CCDC150: variants seen among roughly 807,000 people sequenced by gnomAD.
CCDC150 encodes the protein coiled-coil domain-containing protein 150.
In CCDC150, 151 loss-of-function variants were observed where a neutral mutation model predicts 156.5. That is an observed-to-expected ratio of 0.97 (90% CI 0.85 to 1.10). CCDC150 has a LOEUF of 1.10. Ranked by LOEUF, CCDC150 falls within the 50% of genes least tolerant of loss-of-function variation. CCDC150 has a pLI of 0.00. For missense variants in CCDC150, 1,312 were observed against 1,268.1 expected (o/e 1.03, Z -0.53); for synonymous variants, 452 against 429.4 (o/e 1.05, Z -0.65).
intron 14 of CCDC150, among the ~76,000 whole-genome samples, chr2:196,695,558 T>C (rs1345114259): frequency 1.3e-5 from 2 of 152,080 alleles, no homozygotes; most frequent in Non-Finnish European, 2.9e-5. Flanking sequence ...AAATACCTTC[T>C]CCAGGTGGGG....
At position 196,666,823 on chromosome 2, in the gene CCDC150, T is replaced by C. The variant is rs1320694862; in HGVS notation, c.867T>C (p.Ala289=). The part of the protein sequence containing the change: ...EQKKKEELEI[A]TSQLKSDLTS... Reference sequence around the variant, plus strand: ...AAAAAAAAGAAGAGTTGGAGATTGCTACTTCACAGCTCAAATCTGATCTAA... The same window carrying C: ...AAAAAAAAGAAGAGTTGGAGATTGCCACTTCACAGCTCAAATCTGATCTAA... Residue 289 remains alanine, a synonymous_variant, in exon 7 of 28, where the codon GCT becomes GCC. Coordinates refer to ENST00000389175, the MANE Select transcript of CCDC150 (RefSeq NM_001080539.2). 1.9e-6 allele frequency: 3 copies of C among 1,613,550 alleles called. No homozygotes were observed. Among genetic ancestry groups the C allele is most frequent in the Non-Finnish European group, 2.5e-6 (3 of 1,179,606 alleles).
rs1258238906 is a variant in CCDC150 at position 196,658,778 on chromosome 2, CCTT to C, written c.577-11_577-9del. On this transcript the variant is annotated splice_polypyrimidine_tract_variant and intron_variant, in intron 4 of 27. Coordinates refer to ENST00000389175, the MANE Select transcript of CCDC150 (RefSeq NM_001080539.2). ...TTTCAGATTATTTAGAATCTTTTCT[CCTT>C]CTACTTTTAGAAGAATGCAGCCATT... 1.1e-5 allele frequency: 18 copies of C among 1,571,738 alleles called. No homozygotes were observed. The highest frequency in any genetic ancestry group is 4.5e-5 in the East Asian group (2 of 44,322).
At chr2:196,719,756 C>T in intron 19 of CCDC150, 90 bp downstream of exon 19, 1 of 874,426 alleles carries the variant, frequency 1.1e-6, no homozygotes, top group Non-Finnish European at 1.6e-6. Context: ...CTTTATGTAG[C>T]TTCCTTTACA....
At chr2:196,647,122 C>A (rs1011015425) in intron 2 of CCDC150, among the ~76,000 whole-genome samples, 3 of 151,892 alleles carry the variant, frequency 2.0e-5, no homozygotes, top group African/African-American at 7.3e-5. Flanking sequence ...GGAAAGATAT[C>A]AAAATTAGTA....
At chr2:196,648,906 A>G (rs1001047031) in intron 2 of CCDC150, among the ~76,000 whole-genome samples, 12 of 152,228 alleles carry the variant, frequency 7.9e-5, no homozygotes, top group Non-Finnish European at 1.5e-4. Flanking sequence ...TCCTTTCCCC[A>G]TTGTGTATTC....
chr2:196,711,596 C>CT (rs1450136391), intron 15 of CCDC150, among the ~76,000 whole-genome samples: 1 of 152,140 alleles, frequency 6.6e-6, no homozygotes, highest in Non-Finnish European at 1.5e-5. Context: ...TGAAGAGAGA[C>CT]TTGTGAGTAT....
At chr2:196,693,204 TTATA>T (rs1317449025) in intron 13 of CCDC150, among the ~76,000 whole-genome samples, 1 of 152,164 alleles carries the variant, frequency 6.6e-6, no homozygotes, top group Non-Finnish European at 1.5e-5. Flanking sequence ...CATGTCTAGG[TTATA>T]TAGTGTAGCT....
intron 13 of CCDC150, among the ~76,000 whole-genome samples, chr2:196,686,724 C>G (rs1289118005): frequency 2.6e-5 from 4 of 151,884 alleles, no homozygotes; most frequent in Middle Eastern, 3.2e-3. Flanking sequence ...ATTATTTCAT[C>G]ACCCAGATAT....
intron 7 of CCDC150, chr2:196,667,950 A>G (rs1043211695): frequency 1.3e-5 from 2 of 152,182 alleles, no homozygotes; most frequent in African/African-American, 4.8e-5. Flanking sequence ...ACATTGTCTC[A>G]TTTGAGCACT....
intron 17 of CCDC150, among the ~76,000 whole-genome samples, chr2:196,714,571 C>G (rs1377818052): frequency 6.6e-6 from 1 of 152,112 alleles, no homozygotes; most frequent in African/African-American, 2.4e-5. Flanking sequence ...ACTTAGCTTC[C>G]CGGTCGCAAG....
At chr2:196,728,069 T>A (rs954147402) in intron 22 of CCDC150, 2 of 140,968 alleles carry the variant, frequency 1.4e-5, no homozygotes, top group Admixed American at 1.4e-4. Flanking sequence ...TGAAGAAGGA[T>A]CAGTGACAGT....
intron 22 of CCDC150, 87 bp downstream of exon 22, chr2:196,726,186 T>C: frequency 6.9e-7 from 1 of 1,452,934 alleles, no homozygotes. Flanking sequence ...ACAGTTGTTC[T>C]TTGACTCCTC....
At chr2:196,661,864 G>A (rs115028622) in intron 5 of CCDC150, among the ~76,000 whole-genome samples, 3,982 of 152,200 alleles carry the variant, frequency 0.026, 181 homozygotes, top group African/African-American at 0.09. Flanking sequence ...AAAAGTGGCC[G>A]TTCTTTAAAA....
At chr2:196,702,586 G>A (rs1696299391) in intron 15 of CCDC150, among the ~76,000 whole-genome samples, 1 of 151,802 alleles carries the variant, frequency 6.6e-6, no homozygotes, top group Non-Finnish European at 1.5e-5. Context: ...GCCCAGGCTG[G>A]TCTCGAACTC....
At chr2:196,713,843 C>A (rs1697304217) in intron 17 of CCDC150, among the ~76,000 whole-genome samples, 1 of 152,116 alleles carries the variant, frequency 6.6e-6, no homozygotes, top group African/African-American at 2.4e-5. Context: ...ATTATCCTAG[C>A]CATCACATAA....
intron 25 of CCDC150, among the ~76,000 whole-genome samples, chr2:196,730,419 T>C (rs1163727839): frequency 2.0e-5 from 3 of 152,230 alleles, no homozygotes; most frequent in South Asian, 2.1e-4. Context: ...TCATAGCCTT[T>C]CAGGAACTTT....
intron 13 of CCDC150, among the ~76,000 whole-genome samples, chr2:196,680,788 A>T (rs1344522443): frequency 6.6e-6 from 1 of 152,202 alleles, no homozygotes; most frequent in Non-Finnish European, 1.5e-5. Context: ...TCATTTTGAG[A>T]AACTGCCAAA....
chr2:196,672,437 A>G lies in CCDC150; in HGVS notation c.1029A>G (p.Gln343=). 1 of 1,461,012 alleles carries G rather than the reference A, an allele frequency of 6.8e-7. No individual in the cohort carries two copies. The highest frequency in any genetic ancestry group is 9.1e-7 in the Non-Finnish European group (1 of 1,099,776). 90.5% of individuals were successfully genotyped at this position (1,461,012 alleles called of 1,614,324 possible). The change falls in exon 9 of 28, where the codon CAA becomes CAG. Residue 343 remains glutamine (Q), a splice_region_variant and synonymous_variant. Coordinates refer to ENST00000389175, the MANE Select transcript of CCDC150 (RefSeq NM_001080539.2). The stretch of plus-strand genomic sequence containing the variant: ...TTCATGAAGCATCAGAAAAAGCACA[A>G]GTAAATGCTCATGATTTTGTTAGTT... The part of the protein sequence containing the change: ...MSLHEASEKA[Q]VLNDQLTKKC...
intron 13 of CCDC150, among the ~76,000 whole-genome samples, chr2:196,690,612 T>TAAA: frequency 6.8e-6 from 1 of 146,212 alleles, no homozygotes; most frequent in African/African-American, 2.5e-5. Flanking sequence ...TAGTGAATAT[T>TAAA]AAAAAAAAAA....
Sources: gnomAD v4.1 joint callset for allele counts (sites outside exome capture counted in the v4.1 genomes callset) on GRCh38, gnomAD v4.1.1 for gene constraint, MANE v1.5 for transcripts, NCBI Gene and HGNC (gene_info 2026-07-23, HGNC 2026-07-21) for gene names.